Variants in PLOD1 observed in about 807,000 individuals in gnomAD.
The protein encoded by PLOD1 is procollagen-lysine,2-oxoglutarate 5-dioxygenase 1, also known as lysine hydroxylase.
PLOD1 carries 70 observed loss-of-function variants against 94.7 expected under a neutral mutation model. The observed-to-expected ratio is 0.74, with a 90% CI of 0.61 to 0.90. The LOEUF is 0.90. Among genes scored for constraint, PLOD1 ranks in the 40% least tolerant of loss-of-function variants. PLOD1 has a pLI of 0.00. For synonymous variants in PLOD1, 417 were observed against 400.2 expected (o/e 1.04, Z -0.50); for missense variants, 905 against 972.7 (o/e 0.93, Z 0.93).
rs992290335 is a variant in PLOD1 at position 11,958,493 on chromosome 1, T to C, written c.844-23T>C. On this transcript the variant is annotated intron_variant, in intron 8 of 18. Coordinates refer to ENST00000196061, the MANE Select transcript of PLOD1 (RefSeq NM_000302.4). The surrounding 1 kb of genome is among the most constrained non-coding windows in gnomAD (Gnocchi z 4.3). Reference sequence around the variant, plus strand: ...GCTGTGACTGGACACTGCTGGACTCTTGTGCCGCCCTCCCTGGTGCAGGAT... The same window carrying C: ...GCTGTGACTGGACACTGCTGGACTCCTGTGCCGCCCTCCCTGGTGCAGGAT... 6.2e-7 allele frequency: 1 copy of C among 1,612,686 alleles called. No individual in the cohort carries two copies. Among genetic ancestry groups the C allele is most frequent in the Non-Finnish European group, 8.5e-7 (1 of 1,179,676 alleles).
intron 1 of PLOD1, among the ~76,000 whole-genome samples, chr1:11,945,347 A>G (rs1171526650): frequency 1.3e-5 from 2 of 151,776 alleles, no homozygotes; most frequent in Non-Finnish European, 2.9e-5. Context: ...GAGTGCAGGA[A>G]GTCAAGGTTG....
At chr1:11,950,581 G>A (rs2100744337) in intron 4 of PLOD1, 61 bp downstream of exon 4, 1 of 1,517,608 alleles carries the variant, frequency 6.6e-7, no homozygotes, top group Non-Finnish European at 9.1e-7. Flanking sequence ...TGCCTTTGTG[G>A]GGACCCCCCT....
chr1:11,974,869 T>G lies in PLOD1; in HGVS notation c.*61T>G. The G allele has an allele frequency of 2.6e-6, 4 of 1,566,974 alleles. 1 individual carries two copies. In the South Asian group the frequency reaches 4.4e-5, roughly 17 times the overall value. ...TGCCGACAACCACTGCCCAGCAGCCTCTGGGACCTCGGGGTCCCAGGGAAC... is the reference window on the plus strand; with the variant it reads ...TGCCGACAACCACTGCCCAGCAGCCGCTGGGACCTCGGGGTCCCAGGGAAC... On this transcript the variant is annotated 3_prime_UTR_variant, in exon 19 of 19. Coordinates refer to ENST00000196061, the MANE Select transcript of PLOD1 (RefSeq NM_000302.4).
At chr1:11,942,420 GT>G (rs1356779570) in intron 1 of PLOD1, among the ~76,000 whole-genome samples, 1 of 152,216 alleles carries the variant, frequency 6.6e-6, no homozygotes. Flanking sequence ...GAAGGAGCAG[GT>G]TTGTACCAAT....
intron 4 of PLOD1, among the ~76,000 whole-genome samples, chr1:11,951,542 T>A (rs569041818): frequency 2.1e-5 from 3 of 146,328 alleles, no homozygotes; most frequent in South Asian, 2.1e-4. Flanking sequence ...CTCAAAAAAA[T>A]AAATAATTTT....
At position 11,944,716 on chromosome 1, in the gene PLOD1, C is replaced by A. The variant is rs557181615; in HGVS notation, c.77-3260C>A. 1.1e-5 allele frequency: 13 copies of A among 1,226,526 alleles called. No homozygotes were observed. The East Asian group carries it at 4.3e-4, about 41-fold the overall frequency. 76.0% of individuals were successfully genotyped at this position (1,226,526 alleles called of 1,614,324 possible). A position where few individuals can be genotyped will look rare whatever the true frequency, so the allele number is the denominator to read the frequency against. On this transcript the variant is annotated intron_variant, in intron 1 of 18. Transcript: ENST00000196061. ...CCTGGTGTATCCACCCCCTCCTCCC[C>A]CAGCACCGCAGCTAATCCCTGCCAA...
intron 1 of PLOD1, among the ~76,000 whole-genome samples, chr1:11,941,609 A>ATAGGCGCCTGCCTATAAATATAG (rs1645615983): frequency 6.6e-6 from 1 of 151,944 alleles, no homozygotes; most frequent in Non-Finnish European, 1.5e-5. Context: ...CCTCCTGAAT[A>ATAGGCGCCTGCCTATAAATATAG]GCAGGGATTA....
At chr1:11,954,646 G>A in intron 5 of PLOD1, 184 bp from the exon 6 acceptor site, 1 of 772,004 alleles carries the variant, frequency 1.3e-6, no homozygotes, top group East Asian at 2.5e-5. Flanking sequence ...CCACTAGACT[G>A]TAGACCCCAG....
At chr1:11,956,818 TCTA>T (rs1292970336) in intron 6 of PLOD1, 96 bp from the exon 7 acceptor site, 1 of 795,606 alleles carries the variant, frequency 1.3e-6, no homozygotes, top group African/African-American at 1.7e-5. Context: ...GAGGACATAA[TCTA>T]CTCACTGCAC....
intron 10 of PLOD1, among the ~76,000 whole-genome samples, chr1:11,962,556 G>A (rs1446156100): frequency 2.6e-5 from 4 of 151,992 alleles, no homozygotes; most frequent in Non-Finnish European, 5.9e-5. Flanking sequence ...GATTACAGGC[G>A]TGAGCCACCA....
chr1:11,944,912 C>G (rs564572612), intron 1 of PLOD1, among the ~76,000 whole-genome samples: 1 of 152,236 alleles, frequency 6.6e-6, no homozygotes, highest in African/African-American at 2.4e-5. Context: ...AGGGCCTTAC[C>G]TGCCTGCTGT....
intron 1 of PLOD1, among the ~76,000 whole-genome samples, chr1:11,944,176 T>C (rs915697575): frequency 1.3e-5 from 2 of 151,340 alleles, no homozygotes; most frequent in African/African-American, 4.9e-5. Context: ...GAGGTTGTAG[T>C]GAGACAAGAT....
Position 11,972,548 on chromosome 1 carries a change from G to A in PLOD1, c.1903-324G>A, listed in dbSNP as rs113364877. On this transcript the variant is annotated intron_variant, in intron 17 of 18. Coordinates refer to ENST00000196061, the MANE Select transcript of PLOD1 (RefSeq NM_000302.4). This position sits in a 1 kb window ranked among gnomAD's most constrained non-coding sequence, Gnocchi z 4.6. ...AATTACAGGCGTGAGTACCATGTCC[G>A]GCCTCCTTCCCTTTCATTTCTTCTC... 2.8e-3 allele frequency: 966 copies of A among 340,280 alleles called. 2 individuals carry two copies. Among genetic ancestry groups the A allele is most frequent in the Admixed American group, 4.8e-3 (121 of 25,390 alleles). 21.1% of individuals were successfully genotyped at this position (340,280 alleles called of 1,614,324 possible).
At position 11,957,143 on chromosome 1, in the gene PLOD1, T is replaced by A; in HGVS notation, c.741+129T>A. 1 of 775,682 alleles carries A rather than the reference T, an allele frequency of 1.3e-6. No individual in the cohort carries two copies. Among genetic ancestry groups the A allele is most frequent in the Non-Finnish European group, 2.4e-6 (1 of 416,900 alleles). The allele number at this position is 775,682 out of a possible 1,614,324, so 48.0% of individuals were successfully genotyped here. A position where few individuals can be genotyped will look rare whatever the true frequency, so the allele number is the denominator to read the frequency against. ...TGGGGCCTGCTATGAACTCACTGCC[T>A]CTGTCCTCACATCTGAGCTCAGCGT... On this transcript the variant is annotated intron_variant, in intron 7 of 18. Coordinates refer to ENST00000196061, the MANE Select transcript of PLOD1 (RefSeq NM_000302.4). The surrounding 1 kb of genome is among the most constrained non-coding windows in gnomAD (Gnocchi z 4.1).
intron 16 of PLOD1, among the ~76,000 whole-genome samples, chr1:11,968,154 A>C (rs989242585): frequency 6.6e-6 from 1 of 151,826 alleles, no homozygotes; most frequent in Non-Finnish European, 1.5e-5. Context: ...GGGTTTCACC[A>C]TGTTGGCCAG....
At position 11,964,770 on chromosome 1, in the gene PLOD1, C is replaced by T. The variant is rs937995641; in HGVS notation, c.1455C>T (p.Ala485=). ...SKLDPDMAFC[A]NIRQQDVFMF... The stretch of plus-strand genomic sequence containing the variant: ...TGGACCCCGACATGGCCTTCTGTGC[C>T]AACATCCGGCAGCAGGTCAGCCAGG... The change falls in exon 13 of 19, where the codon GCC becomes GCT. Residue 485 remains alanine (A), a synonymous_variant. Transcript: ENST00000196061. 1 of 1,613,684 alleles carries T rather than the reference C, an allele frequency of 6.2e-7. No individual in the cohort carries two copies. The highest frequency in any genetic ancestry group is 8.5e-7 in the Non-Finnish European group (1 of 1,180,048).
At chr1:11,964,323 T>TGACCGGGGGGGGGGGGGGG in intron 12 of PLOD1, 23 bp downstream of exon 12, 1 of 274,726 alleles carries the variant, frequency 3.6e-6, no homozygotes, top group Non-Finnish European at 7.3e-6. Context: ...AGGGTGGGGG[T>TGACCGGGGGGGGGGGGGGG]GGGTGGGGGA....
chr1:11,945,637 G>C (rs1357120496), intron 1 of PLOD1, among the ~76,000 whole-genome samples: 1 of 152,136 alleles, frequency 6.6e-6, no homozygotes, highest in Admixed American at 6.5e-5. Flanking sequence ...AGATCAGAGA[G>C]GGCCTTGAAT....
rs750863191 is a variant in PLOD1, at chr1:11,973,012, G to A, written c.2028+15G>A. 1 of 1,613,612 alleles carries A rather than the reference G, an allele frequency of 6.2e-7. No homozygotes were observed. The highest frequency in any genetic ancestry group is 8.5e-7 in the Non-Finnish European group (1 of 1,179,790). ...TGGATTACGAGGTGAGCAGGAGCCA[G>A]CCGGGGTCAAGGGGCCGGCAATGGG... On this transcript the variant is annotated intron_variant, in intron 18 of 18. Coordinates refer to ENST00000196061, the MANE Select transcript of PLOD1 (RefSeq NM_000302.4).
Sources: gnomAD v4.1 joint callset for allele counts (sites outside exome capture counted in the v4.1 genomes callset) on GRCh38, gnomAD v4.1.1 for gene constraint, Gnocchi (gnomAD v3.1) non-coding constraint, MANE v1.5 for transcripts, NCBI Gene and HGNC (gene_info 2026-07-23, HGNC 2026-07-21) for gene names.